AMY2B: variants seen among roughly 807,000 people sequenced by gnomAD.
The protein encoded by AMY2B is alpha-amylase 2B.
In AMY2B, 63 loss-of-function variants were observed where a neutral mutation model predicts 59.3. The observed-to-expected ratio is 1.06, with a 90% CI of 0.87 to 1.31. The LOEUF (loss-of-function observed/expected upper bound fraction) is 1.31, where lower values mean the gene tolerates loss of function less well. Ranked by LOEUF, AMY2B falls within the 50% of genes most tolerant of loss-of-function variation. The pLI, the probability that AMY2B is intolerant of heterozygous loss-of-function variation, is 0.00. For synonymous variants in AMY2B, 180 were observed against 198.1 expected (o/e 0.91, Z 0.77); for missense variants, 635 against 626.7 (o/e 1.01, Z -0.14).
chr1:103,577,481 C>T lies in AMY2B; in HGVS notation c.1102-9C>T, dbSNP rs746898979. ...ATGTTAAAATTTGGCTTTTCACCCC[C>T]TAATTAAGGATGTTAATGATTGGGT... On this transcript the variant is annotated splice_polypyrimidine_tract_variant and intron_variant, in intron 7 of 9. Transcript: ENST00000684275. 6 of 1,611,668 alleles carry T rather than the reference C, an allele frequency of 3.7e-6. No homozygotes were observed. In the African/African-American group the frequency reaches 8.0e-5, roughly 22 times the overall value.
chr1:103,570,534 A>G, upstream of AMY2B: 1 of 615,196 alleles, frequency 1.6e-6, no homozygotes, highest in Non-Finnish European at 3.2e-6. Context: ...GATCAAGATG[A>G]TCGCATCCCC....
upstream of AMY2B, chr1:103,570,568 TCAG>T (rs1652087888): frequency 3.3e-6 from 2 of 600,992 alleles, no homozygotes; most frequent in East Asian, 8.2e-5. Context: ...TCCGTGTGGA[TCAG>T]CGGCTCCATC....
At chr1:103,572,292 T>C (rs539667008) in intron 2 of AMY2B, 36 bp downstream of exon 2, 34 of 1,601,448 alleles carry the variant, frequency 2.1e-5, no homozygotes, top group African/African-American at 1.9e-4. Context: ...AAATAACAGA[T>C]AGGAAAATGA....
In AMY2B at chr1:103,571,669, C is replaced by T; in HGVS notation, c.67C>T (p.Gln23Ter). The change falls in exon 1 of 10, where the codon CAA (glutamine) becomes TAA (stop). Residue 23 changes from glutamine to a stop codon, truncating the protein, a stop_gained. Transcript: ENST00000684275. LOFTEE classifies it high-confidence loss of function. ...GGCTCAGTATTCCCCAAATACACAA[C>T]AAGGACGGACATCTATTGTTCATCT... ...CWAQYSPNTQ[Q>*]GRTSIVHLFE... 1.2e-6 allele frequency: 2 copies of T among 1,611,936 alleles called. No homozygotes were observed. Among genetic ancestry groups the T allele is most frequent in the Non-Finnish European group, 1.7e-6 (2 of 1,179,824 alleles).
chr1:103,579,241 G>A, intron 9 of AMY2B, 70 bp from the exon 10 acceptor site: 1 of 1,610,782 alleles, frequency 6.2e-7, no homozygotes, highest in South Asian at 1.1e-5. Flanking sequence ...AAGTTATGCT[G>A]TTTAGTTGTG....
intron 1 of AMY2B, among the ~76,000 whole-genome samples, chr1:103,557,207 TA>T (rs2101058867): frequency 1.3e-5 from 2 of 152,072 alleles, no homozygotes; most frequent in African/African-American, 4.8e-5. Context: ...AAACATTGAA[TA>T]AGCATCAGGA....
upstream of AMY2B, chr1:103,571,318 T>TA (rs538025495): frequency 1.1e-4 from 96 of 878,050 alleles, no homozygotes; most frequent in African/African-American, 1.4e-3. Flanking sequence ...TTTCTACTGT[T>TA]ACGTGAGAAC....
Position 103,573,931 on chromosome 1 carries a change from A to T in AMY2B, c.737A>T (p.Tyr246Phe), listed in dbSNP as rs1652240810. Residue 246 changes from tyrosine (Y) to phenylalanine (F), a missense_variant, in exon 4 of 10, where the codon TAC (tyrosine) becomes TTC (phenylalanine). Tyr to Phe is a conservative substitution (Grantham distance 22, BLOSUM62 3). Coordinates refer to ENST00000684275, the MANE Select transcript of AMY2B (RefSeq NM_001387437.1). Reference sequence around the variant, plus strand: ...CCTGCAGGAAGTAAACCTTTCATTTACCAGGAGGTACATCAATACATATAT... The same window carrying T: ...CCTGCAGGAAGTAAACCTTTCATTTTCCAGGAGGTACATCAATACATATAT... ...WFPAGSKPFI[Y>F]QEVIDLGGEP... 2 of 1,613,672 alleles carry T rather than the reference A, an allele frequency of 1.2e-6. No individual in the cohort carries two copies. The highest frequency in any genetic ancestry group is 2.2e-5 in the East Asian group (1 of 44,878).
chr1:103,577,316 G>A, intron 7 of AMY2B, 174 bp from the exon 8 acceptor site: 16 of 1,208,568 alleles, frequency 1.3e-5, no homozygotes, highest in Non-Finnish European at 1.9e-5. Context: ...CCAGAGGATA[G>A]AGAGATGATG....
At chr1:103,568,944 A>G (rs1652006161), upstream of AMY2B, 1 of 152,116 alleles carries the variant, frequency 6.6e-6, no homozygotes, top group Non-Finnish European at 1.5e-5. Flanking sequence ...ACAGTTCCAC[A>G]TGACTGAGGA....
At chr1:103,560,686 C>T (rs1173952623) in intron 1 of AMY2B, among the ~76,000 whole-genome samples, 1 of 152,002 alleles carries the variant, frequency 6.6e-6, no homozygotes, top group Non-Finnish European at 1.5e-5. Flanking sequence ...CTGTTTTATT[C>T]CAGTTTGCAG....
At chr1:103,561,551 C>T (rs769387216) in intron 1 of AMY2B, among the ~76,000 whole-genome samples, 11 of 151,858 alleles carry the variant, frequency 7.2e-5, no homozygotes, top group Non-Finnish European at 1.5e-4. Flanking sequence ...CTAATTTAAC[C>T]CAGCCCTATG....
upstream of AMY2B, chr1:103,569,978 T>C: frequency 2.2e-6 from 1 of 458,886 alleles, no homozygotes; most frequent in Non-Finnish European, 4.3e-6. Context: ...GCTGTCCCTC[T>C]ACACCTGTGG....
At chr1:103,577,293 TG>T (rs1652396670) in intron 7 of AMY2B, 196 bp from the exon 8 acceptor site, 1 of 1,078,302 alleles carries the variant, frequency 9.3e-7, no homozygotes, top group African/African-American at 1.6e-5. Flanking sequence ...GTTTGAAATA[TG>T]GCAAAAGAGA....
At chr1:103,578,290 A>G (rs2101080661) in intron 9 of AMY2B, among the ~76,000 whole-genome samples, 1 of 152,268 alleles carries the variant, frequency 6.6e-6, no homozygotes, top group South Asian at 2.1e-4. Context: ...GTTTTTTGGT[A>G]TACTTTCTTC....
intron 1 of AMY2B, among the ~76,000 whole-genome samples, chr1:103,558,591 A>G (rs1451099271): frequency 6.6e-6 from 1 of 152,074 alleles, no homozygotes; most frequent in Non-Finnish European, 1.5e-5. Flanking sequence ...TAACTTTGTA[A>G]ACAACAACAA....
chr1:103,570,656 C>T, upstream of AMY2B: 1 of 587,436 alleles, frequency 1.7e-6, no homozygotes. Flanking sequence ...CCTCCATCGT[C>T]CACCGCAAAT....
chr1:103,574,671 T>G (rs1220525287), intron 5 of AMY2B, among the ~76,000 whole-genome samples: 1 of 152,136 alleles, frequency 6.6e-6, no homozygotes, highest in African/African-American at 2.4e-5. Context: ...GCATATAATC[T>G]TTTAAAGCCA....
At position 103,571,906 on chromosome 1, in the gene AMY2B, A is replaced by G. The variant is rs1299012793; in HGVS notation, c.168+136A>G. 21 of 1,581,070 alleles carry G rather than the reference A, an allele frequency of 1.3e-5. No individual in the cohort carries two copies. The Admixed American group carries it at 1.5e-4, about 11-fold the overall frequency. ...TAAGTAAGAGTTTTCTGAGGAAAAA[A>G]CAATGTAGTATTCTTGGCAACTTTA... On this transcript the variant is annotated intron_variant, in intron 1 of 9. Coordinates refer to ENST00000684275, the MANE Select transcript of AMY2B (RefSeq NM_001387437.1).
Sources: allele counts gnomAD v4.1 joint callset (sites outside exome capture counted in the v4.1 genomes callset), GRCh38; gene constraint gnomAD v4.1.1; transcripts MANE v1.5; gene names NCBI Gene and HGNC (gene_info 2026-07-23, HGNC 2026-07-21).